Variants in PRSS23 observed in about 807,000 individuals in gnomAD.
The protein encoded by PRSS23 is serine protease 23, also known as protease, serine 23.
PRSS23 carries 25 observed loss-of-function variants against 34.7 expected under a neutral mutation model. The ratio of observed to expected loss-of-function variants is 0.72; its 90% CI spans 0.53 to 1.01. The LOEUF (loss-of-function observed/expected upper bound fraction) is 1.01, where lower values mean the gene tolerates loss of function less well. Ranked by LOEUF, PRSS23 falls within the 50% of genes least tolerant of loss-of-function variation. PRSS23 has a pLI of 0.00. For synonymous variants in PRSS23, 176 were observed against 186.6 expected (o/e 0.94, Z 0.46); for missense variants, 445 against 475.6 (o/e 0.94, Z 0.60).
At chr11:86,902,603 A>G (rs772659328) in intron 2 of PRSS23, among the ~76,000 whole-genome samples, 6 of 152,192 alleles carry the variant, frequency 3.9e-5, no homozygotes, top group Admixed American at 1.3e-4. Flanking sequence ...CTATCAAACT[A>G]CTTCCAGATG....
At chr11:86,794,952 T>C (rs375390009) in intron 1 of PRSS23, among the ~76,000 whole-genome samples, 1 of 152,104 alleles carries the variant, frequency 6.6e-6, no homozygotes, top group South Asian at 2.1e-4. Flanking sequence ...ATAGAGGAGA[T>C]TGGAGGAGGA....
intron 2 of PRSS23, among the ~76,000 whole-genome samples, chr11:86,926,405 T>TA (rs553386027): frequency 1.3e-5 from 2 of 151,876 alleles, no homozygotes; most frequent in South Asian, 2.1e-4. Context: ...AACTTCACCC[T>TA]AAAAAAAAGT....
At chr11:86,859,587 G>A (rs1948598301) in intron 2 of PRSS23, among the ~76,000 whole-genome samples, 2 of 151,986 alleles carry the variant, frequency 1.3e-5, no homozygotes, top group South Asian at 4.2e-4. Context: ...GGGTGAGGGG[G>A]GAAGGATGAT....
chr11:86,880,741 C>T (rs1015997375), intron 2 of PRSS23, among the ~76,000 whole-genome samples: 1 of 152,158 alleles, frequency 6.6e-6, no homozygotes, highest in Admixed American at 6.5e-5. Context: ...TGAGAACATG[C>T]AGCATTTGGT....
intron 2 of PRSS23, among the ~76,000 whole-genome samples, chr11:86,928,892 A>T (rs895141882): frequency 6.6e-6 from 1 of 151,798 alleles, no homozygotes; most frequent in Admixed American, 6.6e-5. Flanking sequence ...ACTACACTGA[A>T]ATAATGTTTT....
intron 1 of PRSS23, among the ~76,000 whole-genome samples, chr11:86,802,746 C>T (rs1948055018): frequency 6.6e-6 from 1 of 152,186 alleles, no homozygotes; most frequent in African/African-American, 2.4e-5. Context: ...TTCTCTCAAA[C>T]AGTGGCCCTC....
chr11:86,903,773 A>T (rs1948925890), intron 2 of PRSS23, among the ~76,000 whole-genome samples: 1 of 151,646 alleles, frequency 6.6e-6, no homozygotes, highest in African/African-American at 2.4e-5. Context: ...ATGAGCCACC[A>T]CTCCCGGACT....
At chr11:86,880,132 AT>A (rs1218767061) in intron 2 of PRSS23, among the ~76,000 whole-genome samples, 1 of 152,166 alleles carries the variant, frequency 6.6e-6, no homozygotes, top group Non-Finnish European at 1.5e-5. Flanking sequence ...GATCCTGTTG[AT>A]CGGTGACCTT....
downstream of PRSS23, among the ~76,000 whole-genome samples, chr11:86,814,568 G>A (rs528114230): frequency 3.3e-5 from 5 of 152,286 alleles, no homozygotes; most frequent in East Asian, 1.9e-4. Flanking sequence ...TGGGAAAGAC[G>A]GGGTGGAAGG....
exon 2 of PRSS23, chr11:86,823,481 C>G (rs1477028362): frequency 1.4e-6 from 1 of 702,468 alleles, no homozygotes; most frequent in Admixed American, 2.0e-5. Context: ...GAATTCAATT[C>G]AACCACCACC....
chr11:86,855,514 G>T (rs751516910), intron 2 of PRSS23, among the ~76,000 whole-genome samples: 2 of 152,150 alleles, frequency 1.3e-5, no homozygotes, highest in African/African-American at 2.4e-5. Flanking sequence ...GTGTGTGTGT[G>T]TGATGGAGTC....
At chr11:86,895,052 C>T (rs1014741534) in intron 2 of PRSS23, among the ~76,000 whole-genome samples, 3 of 152,170 alleles carry the variant, frequency 2.0e-5, no homozygotes, top group African/African-American at 7.2e-5. Context: ...GATGACATTA[C>T]AGTGAGACTT....
intron 2 of PRSS23, among the ~76,000 whole-genome samples, chr11:86,851,130 C>T (rs1462717634): frequency 1.3e-5 from 2 of 152,106 alleles, no homozygotes; most frequent in Non-Finnish European, 2.9e-5. Context: ...TCTCTAAGTC[C>T]CAGGCACTGA....
intron 2 of PRSS23, among the ~76,000 whole-genome samples, chr11:86,879,497 T>G (rs1590909557): frequency 1.8e-5 from 2 of 111,882 alleles, no homozygotes; most frequent in South Asian, 3.2e-4. Flanking sequence ...GGGAGGGAGG[T>G]GGGGGGATCA....
intron 1 of PRSS23, chr11:86,821,355 A>G: frequency 1.2e-6 from 1 of 849,720 alleles, no homozygotes; most frequent in Non-Finnish European, 1.9e-6. Context: ...AGGTATAGTG[A>G]TCCTAGTTTT....
intron 2 of PRSS23, among the ~76,000 whole-genome samples, chr11:86,828,171 G>A (rs1222375537): frequency 6.6e-6 from 1 of 152,092 alleles, no homozygotes; most frequent in East Asian, 1.9e-4. Flanking sequence ...TATGAATCTG[G>A]GTGCTCCTGT....
chr11:86,881,893 G>A (rs1948774455), intron 2 of PRSS23, among the ~76,000 whole-genome samples: 1 of 152,064 alleles, frequency 6.6e-6, no homozygotes, highest in South Asian at 2.1e-4. Flanking sequence ...TATATTAATT[G>A]TTCATAGTAT....
chr11:86,951,350 G>A (rs1162487134), exon 3 of PRSS23: 1 of 1,613,464 alleles, frequency 6.2e-7, no homozygotes, highest in Non-Finnish European at 8.5e-7. Flanking sequence ...GGAATCATCT[G>A]CAGAATACCG....
chr11:86,857,148 C>G, intron 2 of PRSS23: 1 of 331,434 alleles, frequency 3.0e-6, no homozygotes, highest in Non-Finnish European at 5.7e-6. Context: ...TGAAAGGGTT[C>G]AGCATGGGGA....
Sources: gnomAD v4.1 joint callset for allele counts (sites outside exome capture counted in the v4.1 genomes callset) on GRCh38, gnomAD v4.1.1 for gene constraint, MANE v1.5 for transcripts, NCBI Gene and HGNC (gene_info 2026-07-23, HGNC 2026-07-21) for gene names.